Variants in CLCC1 observed in about 807,000 individuals in gnomAD.
CLCC1 encodes the protein chloride channel CLIC-like protein 1.
Under a neutral mutation model 63.3 loss-of-function variants are expected in CLCC1, and 39 were observed. The observed-to-expected ratio is 0.62, with a 90% CI of 0.48 to 0.81. The LOEUF (loss-of-function observed/expected upper bound fraction) is 0.81. CLCC1 is among the 30% of genes least tolerant of loss of function. The pLI, the probability that CLCC1 is intolerant of heterozygous loss-of-function variation, is 0.00. For synonymous variants in CLCC1, 217 were observed against 239.8 expected (o/e 0.90, Z 0.88); for missense variants, 549 against 669.4 (o/e 0.82, Z 1.98).
intron 2 of CLCC1, among the ~76,000 whole-genome samples, chr1:108,954,427 G>A (rs1017856388): frequency 6.6e-6 from 1 of 151,012 alleles, no homozygotes; most frequent in Admixed American, 6.6e-5. Flanking sequence ...ACCTGGGTGG[G>A]GGACGGAGGC....
intron 2 of CLCC1, among the ~76,000 whole-genome samples, chr1:108,956,282 T>C (rs1240108756): frequency 6.6e-6 from 1 of 151,186 alleles, no homozygotes; most frequent in Admixed American, 6.6e-5. Context: ...GCCAACATCA[T>C]GTAGAATAAA....
At chr1:108,947,795 T>C in intron 4 of CLCC1, 77 bp from the exon 5 acceptor site, 1 of 932,790 alleles carries the variant, frequency 1.1e-6, no homozygotes, top group Non-Finnish European at 1.6e-6. Flanking sequence ...CCTAGTGCTG[T>C]CATCGGAATC....
chr1:108,931,341 T>TA lies in CLCC1; in HGVS notation c.*1205dup. ...TTGAAGGCAGTTTACAAGGGGATGA[T>TA]AACAAAGTAACTAACTAACTGTAGC... On this transcript the variant is annotated 3_prime_UTR_variant, in exon 13 of 13. Transcript: ENST00000369969. The TA allele has an allele frequency of 2.6e-6, 4 of 1,550,702 alleles. No individual in the cohort carries two copies. Among genetic ancestry groups the TA allele is most frequent in the Non-Finnish European group, 3.5e-6 (4 of 1,146,994 alleles).
rs114508355 is a variant in CLCC1, at chr1:108,957,621, G to C, written c.-12+4688C>G. On this transcript the variant is annotated intron_variant, in intron 2 of 12. Coordinates refer to ENST00000369969, the MANE Select transcript of CLCC1 (RefSeq NM_001377458.1). ...AGAAATTGCTGAAAATTTGGATGTC[G>C]GTAAGGACAAGTGAAGATTTGGGAC... Among the ~76,000 whole-genome samples the C allele has an allele frequency of 6.9e-3, 1,044 of 151,592 alleles. 9 individuals are homozygous for C. The highest frequency in any genetic ancestry group is 0.011 in the Non-Finnish European group (737 of 68,026).
intron 11 of CLCC1, 88 bp from the exon 12 acceptor site, chr1:108,935,030 C>T (rs1469871369): frequency 6.1e-6 from 8 of 1,322,264 alleles, no homozygotes; most frequent in Non-Finnish European, 7.2e-6. Flanking sequence ...CACCCAAATC[C>T]GTTGTAGCAA....
intron 2 of CLCC1, among the ~76,000 whole-genome samples, chr1:108,955,658 G>C (rs1655791241): frequency 6.6e-6 from 1 of 151,532 alleles, no homozygotes; most frequent in Admixed American, 6.5e-5. Context: ...TCAGCTGACT[G>C]AGTGTGGAAG....
chr1:108,934,548 T>C, intron 12 of CLCC1, 77 bp downstream of exon 12: 1 of 1,120,180 alleles, frequency 8.9e-7, no homozygotes, highest in Admixed American at 2.6e-5. Context: ...AGTTGAAATG[T>C]GAATGTTGAA....
At chr1:108,935,108 C>T (rs1409302732) in intron 11 of CLCC1, among the ~76,000 whole-genome samples, 166 bp from the exon 12 acceptor site, 2 of 152,184 alleles carry the variant, frequency 1.3e-5, no homozygotes, top group Non-Finnish European at 2.9e-5. Context: ...TTATACCTCA[C>T]CAAACTCCAC....
At chr1:108,950,518 A>ATTG (rs1226852289) in intron 2 of CLCC1, 70 bp from the exon 3 acceptor site, 1 of 790,704 alleles carries the variant, frequency 1.3e-6, no homozygotes, top group Non-Finnish European at 1.7e-6. Context: ...TTGGGTTATT[A>ATTG]TTATTATTAT....
chr1:108,938,152 A>G (rs1051945648), intron 10 of CLCC1, among the ~76,000 whole-genome samples: 3 of 152,232 alleles, frequency 2.0e-5, no homozygotes, highest in African/African-American at 7.2e-5. Flanking sequence ...GTAAGTATCA[A>G]TAAATATAAT....
chr1:108,954,266 TAA>T (rs1384191172), intron 2 of CLCC1, among the ~76,000 whole-genome samples: 1 of 151,036 alleles, frequency 6.6e-6, no homozygotes, highest in Non-Finnish European at 1.5e-5. Flanking sequence ...GGCAGGCAGA[TAA>T]TGAGGTCAGG....
rs1465665149 is a variant in CLCC1, at chr1:108,932,396, A to G, written c.*151T>C. 1.3e-5 allele frequency: 2 copies of G among 152,214 alleles called. No homozygotes were observed. Among genetic ancestry groups the G allele is most frequent in the African/African-American group, 2.4e-5 (1 of 41,454 alleles). 9.4% of individuals were successfully genotyped at this position (152,214 alleles called of 1,614,324 possible). A position where few individuals can be genotyped will look rare whatever the true frequency, so the allele number is the denominator to read the frequency against. ...CTGATAACAAACACCCGATGTGTTC[A>G]ATTTGCTTTCATATTTAAGTCTTTC... On this transcript the variant is annotated 3_prime_UTR_variant, in exon 13 of 13. Transcript: ENST00000369969.
At chr1:108,943,416 G>A (rs1214974066) in intron 7 of CLCC1, 59 bp downstream of exon 7, 2 of 1,551,866 alleles carry the variant, frequency 1.3e-6, no homozygotes, top group East Asian at 2.2e-5. Flanking sequence ...ATGGATTAGA[G>A]TCTTCTTTCA....
At chr1:108,944,448 G>C (rs1223159423) in intron 5 of CLCC1, among the ~76,000 whole-genome samples, 1 of 151,370 alleles carries the variant, frequency 6.6e-6, no homozygotes, top group Admixed American at 6.6e-5. Context: ...CAGCATGGGA[G>C]ACAGAGTAAG....
rs116312813 is a variant in CLCC1 at position 108,959,738 on chromosome 1, A to T, written c.-12+2571T>A. Among the ~76,000 whole-genome samples, 491 of 152,316 alleles carry T rather than the reference A, an allele frequency of 3.2e-3. 3 individuals carry two copies. The highest frequency in any genetic ancestry group is 0.011 in the African/African-American group (445 of 41,570). On this transcript the variant is annotated intron_variant, in intron 2 of 12. Coordinates refer to ENST00000369969, the MANE Select transcript of CLCC1 (RefSeq NM_001377458.1). ...TAAAGGGGGGACTCTATACTCCCAA[A>T]GCACTTCCCCAACTCCTACTCCTGG...
chr1:108,937,061 AG>A lies in CLCC1; in HGVS notation c.1383+15del. 6.8e-7 allele frequency: 1 copy of A among 1,467,274 alleles called. No homozygotes were observed. Among genetic ancestry groups the A allele is most frequent in the South Asian group, 1.5e-5 (1 of 65,262 alleles). The allele number at this position is 1,467,274 out of a possible 1,614,324, so 90.9% of individuals were successfully genotyped here. A position where few individuals can be genotyped will look rare whatever the true frequency, so the allele number is the denominator to read the frequency against. ...AGTAATGAAGGGACAGCAGAATAAA[AG>A]AGTTGCTGACTTACACTGGGTACCA... On this transcript the variant is annotated intron_variant, in intron 11 of 12. Transcript: ENST00000369969.
chr1:108,959,312 C>A (rs1656329460), intron 2 of CLCC1, among the ~76,000 whole-genome samples: 2 of 151,918 alleles, frequency 1.3e-5, no homozygotes, highest in African/African-American at 2.4e-5. Flanking sequence ...TGAGAGCACA[C>A]CACCGTACTC....
chr1:108,933,080 A>G (rs1209257864), intron 12 of CLCC1: 1 of 152,210 alleles, frequency 6.6e-6, no homozygotes, highest in Non-Finnish European at 1.5e-5. Context: ...TGAACAACTG[A>G]GCTTAAGCGA....
In CLCC1 at chr1:108,949,807, TA is replaced by T. The variant is rs751405860; in HGVS notation, c.231+12del. On this transcript the variant is annotated intron_variant, in intron 4 of 12. Transcript: ENST00000369969. Reference sequence around the variant, plus strand: ...AATATAAAAATATAAAATTTATCAATAAAAAAACTAACCTTATAAGTTAAAG... The same window carrying T: ...AATATAAAAATATAAAATTTATCAATAAAAAACTAACCTTATAAGTTAAAG... The T allele has an allele frequency of 1.5e-5, 20 of 1,374,124 alleles. 1 individual carries two copies. The Middle Eastern group carries it at 7.8e-4, about 54-fold the overall frequency. 85.1% of individuals were successfully genotyped at this position (1,374,124 alleles called of 1,614,324 possible).
Sources: allele counts gnomAD v4.1 joint callset (sites outside exome capture counted in the v4.1 genomes callset), GRCh38; gene constraint gnomAD v4.1.1; transcripts MANE v1.5; gene names NCBI Gene and HGNC (gene_info 2026-07-23, HGNC 2026-07-21).